The following TPCN2 variants were observed in gnomAD, a reference collection of about 807,000 sequenced individuals.
The protein encoded by TPCN2 is two pore channel protein 2.
A neutral mutation model predicts 111.4 loss-of-function variants in TPCN2; 92 were observed. The observed-to-expected ratio is 0.83, with a 90% CI of 0.70 to 0.98. The LOEUF is 0.98. Among genes scored for constraint, TPCN2 ranks in the 50% least tolerant of loss-of-function variants. TPCN2 has a pLI of 0.00. For synonymous variants in TPCN2, 405 were observed against 414.5 expected, an observed-to-expected ratio of 0.98 and a Z score of 0.28; for missense variants, 995 against 980.1, an observed-to-expected ratio of 1.02 and a Z score of -0.20.
At chr11:69,081,264 T>C in intron 17 of TPCN2, 136 bp from the exon 18 acceptor site, 1 of 588,650 alleles carries the variant, frequency 1.7e-6, no homozygotes, top group African/African-American at 1.8e-5. Flanking sequence ...TTCTGCTCGG[T>C]GTTGGCTGTG....
At chr11:69,084,241 C>T (rs1448090268) in intron 19 of TPCN2, among the ~76,000 whole-genome samples, 1 of 152,196 alleles carries the variant, frequency 6.6e-6, no homozygotes. Context: ...GCTGGTGGCC[C>T]TGCCTGAGCA....
At chr11:69,080,227 A>G (rs999814140) in intron 17 of TPCN2, among the ~76,000 whole-genome samples, 20 of 152,150 alleles carry the variant, frequency 1.3e-4, no homozygotes, top group African/African-American at 4.8e-4. Context: ...GTCTCAGGGG[A>G]CCTGTGACCA....
intron 5 of TPCN2, among the ~76,000 whole-genome samples, chr11:69,062,141 G>A (rs1036691633): frequency 1.3e-5 from 2 of 152,050 alleles, no homozygotes; most frequent in African/African-American, 4.8e-5. Context: ...GTCACATGGC[G>A]AGAGAGGCCC....
Position 69,078,499 on chromosome 11 carries a change from G to A in TPCN2, c.1248G>A (p.Glu416=). The A allele has an allele frequency of 6.2e-7, 1 of 1,614,114 alleles. No homozygotes were observed. The highest frequency in any genetic ancestry group is 8.5e-7 in the Non-Finnish European group (1 of 1,180,038). ...TTGCCCAGCACCCGCCGAGGCCCGA[G>A]TACCAGTCTCCGTTTCTGCAGAGCG... ...SVVKEHPPRP[E]YQSPFLQSAQ... is the part of the protein sequence containing the mutation. The change falls in exon 14 of 25, where the codon GAG becomes GAA. Residue 416 remains glutamate (E), a synonymous_variant. Coordinates refer to ENST00000294309, the MANE Select transcript of TPCN2 (RefSeq NM_139075.4).
rs150812128 is a variant in TPCN2 at position 69,072,972 on chromosome 11, A to G, written c.1201A>G (p.Asn401Asp). 3 of 1,613,776 alleles carry G rather than the reference A, an allele frequency of 1.9e-6. No homozygotes were observed. The highest frequency in any genetic ancestry group is 1.7e-5 in the Admixed American group (1 of 60,004). The change falls in exon 13 of 25, where the codon AAC becomes GAC. Residue 401 changes from asparagine (N) to aspartate (D), a missense_variant. By Grantham distance (23) the Asn-to-Asp change is conservative (BLOSUM62 1). Coordinates refer to ENST00000294309, the MANE Select transcript of TPCN2 (RefSeq NM_139075.4). ...AGCTGAGGAGTTTCAGAAGCTCTTC[A>G]ACGAGCTTGACAGAAGTGTGGTTAA... is the stretch of plus-strand genomic sequence containing the variant. ...LSAEEFQKLF[N>D]ELDRSVVKEH...
Position 69,088,020 on chromosome 11 carries a change from G to T in TPCN2, c.*67G>T, listed in dbSNP as rs1251063962. 1 of 1,403,698 alleles carries T rather than the reference G, an allele frequency of 7.1e-7. No individual in the cohort carries two copies. The highest frequency in any genetic ancestry group is 9.7e-7 in the Non-Finnish European group (1 of 1,028,132). 87.0% of individuals were successfully genotyped at this position (1,403,698 alleles called of 1,614,324 possible). A position where few individuals can be genotyped will look rare whatever the true frequency, so the allele number is the denominator to read the frequency against. ...GCTGGCCTACACAGGTGCCCGTCAT[G>T]GAAGAGGCGGCCATGCTGTGGCCAG... On this transcript the variant is annotated 3_prime_UTR_variant, in exon 25 of 25. Transcript: ENST00000294309.
rs1854839132 is a variant in TPCN2, at chr11:69,057,764, G to A, written c.546+70G>A. 1.5e-5 allele frequency: 22 copies of A among 1,435,358 alleles called. No individual in the cohort carries two copies. In the Admixed American group the frequency reaches 3.7e-4, roughly 24 times the overall value. The allele number at this position is 1,435,358 out of a possible 1,614,324, so 88.9% of individuals were successfully genotyped here. A position where few individuals can be genotyped will look rare whatever the true frequency, so the allele number is the denominator to read the frequency against. ...TGGTGTGGGTGCAAGGCCCACGGGG[G>A]TGCTGGGATGGAGCCCTGAGCCCGC... On this transcript the variant is annotated intron_variant, in intron 5 of 24. Transcript: ENST00000294309.
rs1337657732 is a variant in TPCN2, at chr11:69,081,575, T to TG, written c.1689+80dup. The TG allele has an allele frequency of 2.5e-6, 3 of 1,177,572 alleles. No homozygotes were observed. The African/African-American group carries it at 4.5e-5, about 18-fold the overall frequency. 72.9% of individuals were successfully genotyped at this position (1,177,572 alleles called of 1,614,324 possible). On this transcript the variant is annotated intron_variant, in intron 18 of 24. Coordinates refer to ENST00000294309, the MANE Select transcript of TPCN2 (RefSeq NM_139075.4). ...TGCGTTGCTCCAGGGTGGGTGAGCCTGGGGCAGGAAGGGCCCGAGGACTGT... is the reference window on the plus strand; with the variant it reads ...TGCGTTGCTCCAGGGTGGGTGAGCCTGGGGGCAGGAAGGGCCCGAGGACTGT...
intron 4 of TPCN2, 114 bp downstream of exon 4, chr11:69,055,466 T>C (rs1854713578): frequency 3.5e-6 from 4 of 1,146,594 alleles, no homozygotes; most frequent in Non-Finnish European, 3.6e-6. Context: ...CCAGACTTTG[T>C]ACTTTGACCC....
intron 17 of TPCN2, 77 bp downstream of exon 17, chr11:69,079,960 G>A: frequency 7.1e-7 from 1 of 1,399,940 alleles, no homozygotes; most frequent in Admixed American, 1.7e-5. Context: ...GGTCTCAGTG[G>A]TGTCCAGGGG....
At chr11:69,049,246 G>A (rs1590696375) in intron 1 of TPCN2, 140 bp downstream of exon 1, 1 of 499,784 alleles carries the variant, frequency 2.0e-6, no homozygotes, top group Non-Finnish European at 3.1e-6. Flanking sequence ...GCCGCGCCGG[G>A]TGCCAGGCGA....
intron 13 of TPCN2, among the ~76,000 whole-genome samples, chr11:69,073,552 C>A (rs928685018): frequency 6.6e-6 from 1 of 152,252 alleles, no homozygotes; most frequent in Non-Finnish European, 1.5e-5. Flanking sequence ...GGTGGGGTGG[C>A]AGACGCCTGC....
chr11:69,070,557 C>G (rs1373027010), intron 9 of TPCN2, 62 bp downstream of exon 9: 4 of 1,294,052 alleles, frequency 3.1e-6, no homozygotes, highest in African/African-American at 1.5e-5. Flanking sequence ...GGGACCGATA[C>G]ACCCTGCTGC....
chr11:69,076,586 C>G (rs1199214287), intron 13 of TPCN2, among the ~76,000 whole-genome samples: 11 of 147,854 alleles, frequency 7.4e-5, no homozygotes, highest in Admixed American at 1.3e-4. Flanking sequence ...CTCTGTCCCT[C>G]CACCTGCCCT....
Position 69,071,949 on chromosome 11 carries a change from G to C in TPCN2, c.987G>C (p.Arg329=). 6.2e-7 allele frequency: 1 copy of C among 1,614,048 alleles called. No homozygotes were observed. Residue 329 remains arginine (R), a synonymous_variant, in exon 11 of 25, where the codon CGG becomes CGC. Coordinates refer to ENST00000294309, the MANE Select transcript of TPCN2 (RefSeq NM_139075.4). ...AATCTCTCCAGACCTCGCTGTTTCGGAGGCGGCTGGGAACCCGGGCTGCCT... is the reference window on the plus strand; with the variant it reads ...AATCTCTCCAGACCTCGCTGTTTCGCAGGCGGCTGGGAACCCGGGCTGCCT... ...LMKSLQTSLF[R]RRLGTRAAFE...
chr11:69,052,807 T>A (rs192610630), intron 1 of TPCN2, among the ~76,000 whole-genome samples: 2 of 152,240 alleles, frequency 1.3e-5, no homozygotes. Flanking sequence ...TGCTGCTGCC[T>A]CCCATGTCAC....
intron 7 of TPCN2, among the ~76,000 whole-genome samples, chr11:69,066,588 C>T (rs1048185816): frequency 1.3e-5 from 2 of 152,206 alleles, no homozygotes; most frequent in Admixed American, 6.5e-5. Flanking sequence ...GCAGGAAGGG[C>T]GGCCTGTGCG....
intron 17 of TPCN2, 120 bp downstream of exon 17, chr11:69,080,003 G>A (rs142871365): frequency 2.8e-5 from 25 of 894,162 alleles, no homozygotes; most frequent in African/African-American, 8.4e-5. Context: ...GGCAGACCCC[G>A]TGATGGTGGA....
At chr11:69,059,982 C>A (rs1277732223) in intron 5 of TPCN2, among the ~76,000 whole-genome samples, 5 of 152,250 alleles carry the variant, frequency 3.3e-5, no homozygotes, top group Non-Finnish European at 7.3e-5. Context: ...AGAGGCCTAG[C>A]TGCATCCACA....
Sources: gnomAD v4.1 joint callset for allele counts (sites outside exome capture counted in the v4.1 genomes callset) on GRCh38, gnomAD v4.1.1 for gene constraint, MANE v1.5 for transcripts, NCBI Gene and HGNC (gene_info 2026-07-23, HGNC 2026-07-21) for gene names.